DEFB119: variants seen among roughly 807,000 people sequenced by gnomAD.
The protein encoded by DEFB119 is defensin beta 119.
A neutral mutation model predicts 2.5 loss-of-function variants in DEFB119; 3 were observed. That is an observed-to-expected ratio of 1.19 (90% CI 0.54 to 3.07). The LOEUF is 3.07. Among genes scored for constraint, DEFB119 ranks in the 30% most tolerant of loss-of-function variants. DEFB119 has a pLI of 0.03. For synonymous variants in DEFB119, 29 were observed against 33.7 expected (o/e 0.86, Z 0.48); for missense variants, 113 against 101.1 (o/e 1.12, Z -0.50).
At chr20:31,380,039 A>T (rs1479010347) in intron 1 of DEFB119, among the ~76,000 whole-genome samples, 1 of 152,144 alleles carries the variant, frequency 6.6e-6, no homozygotes, top group African/African-American at 2.4e-5. Context: ...TTTGAAAATA[A>T]TCTTGCCCTG....
intron 1 of DEFB119, chr20:31,388,217 C>T (rs1415317124): frequency 5.3e-5 from 52 of 984,526 alleles, no homozygotes; most frequent in Non-Finnish European, 5.9e-5. Context: ...AGACAGGCTT[C>T]TGTCTCCCTC....
intron 1 of DEFB119, among the ~76,000 whole-genome samples, chr20:31,379,119 G>A (rs1023450990): frequency 6.6e-6 from 1 of 151,858 alleles, no homozygotes; most frequent in Non-Finnish European, 1.5e-5. Flanking sequence ...TGTATTTTCA[G>A]TAGAGATGGG....
intron 1 of DEFB119, among the ~76,000 whole-genome samples, chr20:31,384,944 C>G (rs1600512851): frequency 6.6e-6 from 1 of 152,028 alleles, no homozygotes. Flanking sequence ...AAGACACCAT[C>G]CCAACTGAAT....
At chr20:31,380,679 G>C (rs185246874) in intron 1 of DEFB119, among the ~76,000 whole-genome samples, 10 of 151,524 alleles carry the variant, frequency 6.6e-5, no homozygotes, top group African/African-American at 2.2e-4. Context: ...GTGTCGAAAA[G>C]GACCTTTCTT....
chr20:31,390,374 G>A (rs777542047), intron 1 of DEFB119, 49 bp downstream of exon 1: 18 of 1,550,010 alleles, frequency 1.2e-5, no homozygotes, highest in African/African-American at 1.1e-4. Flanking sequence ...AGGGAAAGAC[G>A]GGAAGCCCAT....
At chr20:31,388,905 T>A in intron 1 of DEFB119, 73 of 1,336,078 alleles carry the variant, frequency 5.5e-5, no homozygotes, top group Non-Finnish European at 7.1e-5. Context: ...CACCTCCCCC[T>A]GCCATCCCCC....
chr20:31,390,388 CAGGAACCCAGACCCCCGAGAGAGG>C lies in DEFB119; in HGVS notation c.61+11_61+34del. On this transcript the variant is annotated intron_variant, in intron 1 of 1. Coordinates refer to ENST00000376321, the MANE Select transcript of DEFB119 (RefSeq NM_153289.4). Reference sequence around the variant, plus strand: ...AAGGGAAAGACGGGAAGCCCATGACCAGGAACCCAGACCCCCGAGAGAGGTTCACGTTACCTGATATCACTGGTT... The same window carrying C: ...AAGGGAAAGACGGGAAGCCCATGACCTTCACGTTACCTGATATCACTGGTT... 1.9e-6 allele frequency: 3 copies of C among 1,596,990 alleles called. No homozygotes were observed. The highest frequency in any genetic ancestry group is 1.7e-5 in the Admixed American group (1 of 59,036).
intron 1 of DEFB119, among the ~76,000 whole-genome samples, chr20:31,379,342 T>C (rs940911578): frequency 5.1e-4 from 78 of 152,336 alleles, no homozygotes; most frequent in African/African-American, 1.8e-3. Flanking sequence ...AATAAGTATG[T>C]AGTAGTATCT....
intron 1 of DEFB119, among the ~76,000 whole-genome samples, chr20:31,384,762 C>T (rs1986629337): frequency 6.6e-6 from 1 of 152,188 alleles, no homozygotes. Context: ...ACTTTTAACA[C>T]AAATTTTTAA....
At chr20:31,383,292 C>T (rs1986566294) in intron 1 of DEFB119, among the ~76,000 whole-genome samples, 1 of 152,260 alleles carries the variant, frequency 6.6e-6, no homozygotes, top group African/African-American at 2.4e-5. Flanking sequence ...GCCTGTAATC[C>T]TAGCACTTTG....
intron 1 of DEFB119, chr20:31,388,883 C>G (rs1353544671): frequency 3.4e-6 from 5 of 1,449,970 alleles, no homozygotes; most frequent in East Asian, 2.5e-5. Context: ...TGACTTCTCT[C>G]GACTAGCTCT....
At chr20:31,381,301 G>C (rs6120023) in intron 1 of DEFB119, among the ~76,000 whole-genome samples, 1 of 152,062 alleles carries the variant, frequency 6.6e-6, no homozygotes, top group African/African-American at 2.4e-5. Flanking sequence ...ATTAGTTTTA[G>C]GTATTTTGCC....
At chr20:31,388,851 C>T (rs1986808969) in intron 1 of DEFB119, 2 of 1,165,188 alleles carry the variant, frequency 1.7e-6, no homozygotes, top group Non-Finnish European at 2.4e-6. Flanking sequence ...ATGATCACAC[C>T]ATCGCTATGA....
At chr20:31,383,532 T>TA (rs750613012) in intron 1 of DEFB119, among the ~76,000 whole-genome samples, 2,067 of 18,196 alleles carry the variant, frequency 0.11, 179 homozygotes, top group African/African-American at 0.2. Context: ...AGACTCTGTC[T>TA]TAAAAAAAAA....
chr20:31,389,256 A>G (rs1168375722), intron 1 of DEFB119: 2 of 1,613,660 alleles, frequency 1.2e-6, no homozygotes, highest in Non-Finnish European at 1.7e-6. Context: ...ACAACAATTA[A>G]GCAGATGTTA....
At chr20:31,378,923 G>A (rs969306141) in intron 1 of DEFB119, among the ~76,000 whole-genome samples, 1 of 148,662 alleles carries the variant, frequency 6.7e-6, no homozygotes, top group East Asian at 2.0e-4. Flanking sequence ...CAAATACCTG[G>A]CAGATGAAAA....
chr20:31,379,872 A>G (rs1193751730), intron 1 of DEFB119, among the ~76,000 whole-genome samples: 2 of 152,044 alleles, frequency 1.3e-5, no homozygotes, highest in Non-Finnish European at 2.9e-5. Context: ...TCACCATGTT[A>G]GCCAGGATAG....
At chr20:31,390,396 C>G (rs1162204595) in intron 1 of DEFB119, 27 bp downstream of exon 1, 12 of 1,605,856 alleles carry the variant, frequency 7.5e-6, no homozygotes, top group Non-Finnish European at 1.0e-5. Flanking sequence ...ACCAGGAACC[C>G]AGACCCCCGA....
chr20:31,381,955 G>T (rs1986521734), intron 1 of DEFB119, among the ~76,000 whole-genome samples: 1 of 152,230 alleles, frequency 6.6e-6, no homozygotes, highest in African/African-American at 2.4e-5. Context: ...GTTAAGCATA[G>T]TGACAGTGGG....
Sources: gnomAD v4.1 joint callset for allele counts (sites outside exome capture counted in the v4.1 genomes callset) on GRCh38, gnomAD v4.1.1 for gene constraint, MANE v1.5 for transcripts, NCBI Gene and HGNC (gene_info 2026-07-23, HGNC 2026-07-21) for gene names.